CNTNAP2: variants seen among roughly 807,000 people sequenced by gnomAD.
CNTNAP2 encodes the protein contactin associated protein 2.
CNTNAP2 carries 98 observed loss-of-function variants against 155.2 expected under a neutral mutation model. The ratio of observed to expected loss-of-function variants is 0.63; its 90% CI spans 0.54 to 0.75. CNTNAP2 has a LOEUF of 0.75. Ranked by LOEUF, CNTNAP2 falls within the 30% of genes least tolerant of loss-of-function variation. CNTNAP2 has a pLI of 0.00. For missense variants in CNTNAP2, 1,727 were observed against 1,688.1 expected (o/e 1.02, Z -0.40); for synonymous variants, 651 against 631.2 (o/e 1.03, Z -0.47).
At chr7:146,856,802 A>C (rs1483294316) in intron 3 of CNTNAP2, among the ~76,000 whole-genome samples, 1 of 152,188 alleles carries the variant, frequency 6.6e-6, no homozygotes, top group Non-Finnish European at 1.5e-5. Flanking sequence ...AAAATTGAAG[A>C]ATATTCTATG....
chr7:148,319,064 C>T lies in CNTNAP2; in HGVS notation c.3475+51938C>T, dbSNP rs989555577. The stretch of plus-strand genomic sequence containing the variant: ...CAAGCTATTCCTGAAGAATTTATGA[C>T]CTAAGATACTCTTTGTCAATGTAGG... On this transcript the variant is annotated intron_variant, in intron 21 of 23. Transcript: ENST00000361727. Among the ~76,000 whole-genome samples the T allele has an allele frequency of 3.3e-5, 5 of 152,174 alleles. No homozygotes were observed. The East Asian group carries it at 7.7e-4, about 23-fold the overall frequency.
intron 13 of CNTNAP2, among the ~76,000 whole-genome samples, chr7:147,854,417 G>A (rs1350931956): frequency 6.6e-6 from 1 of 152,172 alleles, no homozygotes; most frequent in Non-Finnish European, 1.5e-5. Context: ...GTGTCAGACA[G>A]AAATCAAAAC....
intron 12 of CNTNAP2, among the ~76,000 whole-genome samples, chr7:147,633,741 C>T (rs1377284486): frequency 1.3e-5 from 2 of 152,120 alleles, no homozygotes; most frequent in Non-Finnish European, 2.9e-5. Flanking sequence ...CTTTGCTCAA[C>T]TCTCATTCTC....
At chr7:148,361,959 C>T (rs1056955278) in intron 21 of CNTNAP2, among the ~76,000 whole-genome samples, 3 of 152,154 alleles carry the variant, frequency 2.0e-5, no homozygotes, top group Admixed American at 1.3e-4. Flanking sequence ...CCTGTAATCC[C>T]AGCACTTTGG....
At chr7:146,445,675 A>G (rs1439443259) in intron 1 of CNTNAP2, among the ~76,000 whole-genome samples, 1 of 152,148 alleles carries the variant, frequency 6.6e-6, no homozygotes, top group East Asian at 1.9e-4. Flanking sequence ...CCAATATCCT[A>G]CTTTTATTTT....
intron 12 of CNTNAP2, among the ~76,000 whole-genome samples, chr7:147,638,270 A>C (rs538796311): frequency 6.6e-6 from 1 of 152,032 alleles, no homozygotes; most frequent in South Asian, 2.1e-4. Context: ...AGAAGCCATC[A>C]TTTCTCCAGG....
chr7:146,495,480 C>T (rs1289781194), intron 1 of CNTNAP2, among the ~76,000 whole-genome samples: 1 of 151,282 alleles, frequency 6.6e-6, no homozygotes, highest in Non-Finnish European at 1.5e-5. Flanking sequence ...TCCTCGTTTT[C>T]AGTTTCCTCC....
chr7:146,143,499 C>T (rs1797910988), intron 1 of CNTNAP2, among the ~76,000 whole-genome samples: 1 of 151,976 alleles, frequency 6.6e-6, no homozygotes, highest in Non-Finnish European at 1.5e-5. Context: ...GATTGTCACT[C>T]CTATAAACTT....
intron 13 of CNTNAP2, among the ~76,000 whole-genome samples, chr7:147,850,889 A>C (rs1798925049): frequency 2.0e-5 from 3 of 152,298 alleles, no homozygotes; most frequent in South Asian, 4.1e-4. Flanking sequence ...AAAACACCAA[A>C]AGCAATGGCA....
At chr7:147,576,086 AATTACT>A in intron 12 of CNTNAP2, among the ~76,000 whole-genome samples, 2 of 131,870 alleles carry the variant, frequency 1.5e-5, no homozygotes, top group Middle Eastern at 3.6e-3. Flanking sequence ...TAATAATATA[AATTACT>A]ATTATTATTA....
At chr7:148,061,265 T>C (rs2116511285) in intron 15 of CNTNAP2, among the ~76,000 whole-genome samples, 1 of 152,296 alleles carries the variant, frequency 6.6e-6, no homozygotes, top group Non-Finnish European at 1.5e-5. Flanking sequence ...TTTAAGATCC[T>C]TGTATTTTAA....
intron 12 of CNTNAP2, among the ~76,000 whole-genome samples, chr7:147,617,883 G>C (rs1801322323): frequency 6.6e-6 from 1 of 152,094 alleles, no homozygotes; most frequent in Non-Finnish European, 1.5e-5. Context: ...AAGTGGTAGG[G>C]TTGCTTCCTC....
At chr7:146,580,472 TA>T (rs71165016) in intron 1 of CNTNAP2, among the ~76,000 whole-genome samples, 110,868 of 146,632 alleles carry the variant, frequency 0.76, 41,837 homozygotes, top group South Asian at 0.83. Context: ...TATCCCCAAT[TA>T]AAAAAAAAAA....
chr7:148,078,531 A>T (rs1031672226), intron 15 of CNTNAP2, among the ~76,000 whole-genome samples: 6 of 152,158 alleles, frequency 3.9e-5, no homozygotes, highest in Middle Eastern at 3.4e-3. Context: ...CCCAGGCTGG[A>T]GTGCAATGGT....
intron 8 of CNTNAP2, among the ~76,000 whole-genome samples, chr7:147,280,101 T>C (rs1036310736): frequency 1.3e-5 from 2 of 152,010 alleles, no homozygotes; most frequent in South Asian, 4.1e-4. Flanking sequence ...GTAAACTCTT[T>C]CTTGTGTAAC....
intron 13 of CNTNAP2, among the ~76,000 whole-genome samples, chr7:147,819,391 C>G (rs561748382): frequency 6.6e-6 from 1 of 152,120 alleles, no homozygotes; most frequent in Admixed American, 6.6e-5. Flanking sequence ...ATTATATATA[C>G]GTTTCTCTTC....
intron 9 of CNTNAP2, among the ~76,000 whole-genome samples, chr7:147,368,096 T>TCACACA (rs5888250): frequency 0.043 from 5,078 of 117,026 alleles, 229 homozygotes; most frequent in African/African-American, 0.12. Context: ...TCTCTCTCTG[T>TCACACA]CACACACACA....
chr7:146,294,688 A>G (rs1487523400), intron 1 of CNTNAP2, among the ~76,000 whole-genome samples: 2 of 152,214 alleles, frequency 1.3e-5, no homozygotes, highest in African/African-American at 4.8e-5. Flanking sequence ...TTTTTAGAGT[A>G]CCATTCAGAG....
chr7:147,016,337 A>G (rs17170305), intron 3 of CNTNAP2, among the ~76,000 whole-genome samples: 2,016 of 152,174 alleles, frequency 0.013, 52 homozygotes, highest in African/African-American at 0.046. Flanking sequence ...GCATGACAGG[A>G]AATCTCAAAC....
Sources: gnomAD v4.1 joint callset for allele counts (sites outside exome capture counted in the v4.1 genomes callset) on GRCh38, gnomAD v4.1.1 for gene constraint, MANE v1.5 for transcripts, NCBI Gene and HGNC (gene_info 2026-07-23, HGNC 2026-07-21) for gene names.